The following KCNQ5 variants were observed in gnomAD, a reference collection of about 807,000 sequenced individuals.
KCNQ5 encodes potassium voltage-gated channel subfamily Q member 5, also known as potassium voltage-gated channel subfamily KQT member 5.
Under a neutral mutation model 98.2 loss-of-function variants are expected in KCNQ5, and 30 were observed. The observed-to-expected ratio is 0.31, with a 90% confidence interval of 0.23 to 0.41. The LOEUF (loss-of-function observed/expected upper bound fraction) is 0.41. Ranked by LOEUF, KCNQ5 falls within the 10% of genes least tolerant of loss-of-function variation. The pLI, the probability that KCNQ5 is intolerant of heterozygous loss-of-function variation, is 1.00. For synonymous variants in KCNQ5, 458 were observed against 449.4 expected (o/e 1.02, Z -0.24); for missense variants, 835 against 1,182.5 (o/e 0.71, Z 4.31).
At chr6:72,789,788 A>G (rs1412353640) in intron 1 of KCNQ5, among the ~76,000 whole-genome samples, 1 of 152,218 alleles carries the variant, frequency 6.6e-6, no homozygotes, top group Non-Finnish European at 1.5e-5. Context: ...AACATAGGAC[A>G]CTTAGTCCCA....
At position 72,981,431 on chromosome 6, in the gene KCNQ5, T is replaced by C. The variant is rs540606932; in HGVS notation, c.399-22477T>C. On this transcript the variant is annotated intron_variant, in intron 1 of 13. Transcript: ENST00000370398. ...AATTTATCTATTTCTTCTAGATTTT[T>C]TAGTTTATTTGCAGAGAGGTGTTTA... Among the ~76,000 whole-genome samples, 15 of 152,274 alleles carry C rather than the reference T, an allele frequency of 9.9e-5. No individual in the cohort carries two copies. In the South Asian group the frequency reaches 2.3e-3, roughly 23 times the overall value.
rs563993765 is a variant in KCNQ5 at position 72,722,815 on chromosome 6, TAGTATAGTGAAAGG to T, written c.398+100234_398+100247del. Reference sequence around the variant, plus strand: ...GACAATAATAATAATAATAGCAAAGTAGTATAGTGAAAGGAGTATTAGGGTTTGGTTGACTTTTT... The same window carrying T: ...GACAATAATAATAATAATAGCAAAGTAGTATTAGGGTTTGGTTGACTTTTT... On this transcript the variant is annotated intron_variant, in intron 1 of 13. Coordinates refer to ENST00000370398, the MANE Select transcript of KCNQ5 (RefSeq NM_019842.4). 3.8e-4 allele frequency among the ~76,000 whole-genome samples: 58 copies of T among 151,484 alleles called. 1 individual carries two copies. In the East Asian group the frequency reaches 0.011, roughly 29 times the overall value.
At chr6:72,723,950 T>C (rs146899351) in intron 1 of KCNQ5, among the ~76,000 whole-genome samples, 18 of 152,324 alleles carry the variant, frequency 1.2e-4, no homozygotes, top group African/African-American at 3.8e-4. Context: ...GTCTGTTACA[T>C]CTTCTGCACT....
At chr6:72,938,095 GAA>G (rs1766030186) in intron 1 of KCNQ5, among the ~76,000 whole-genome samples, 1 of 152,166 alleles carries the variant, frequency 6.6e-6, no homozygotes, top group Non-Finnish European at 1.5e-5. Context: ...GCATACAAAT[GAA>G]AAGTTGGATT....
intron 1 of KCNQ5, among the ~76,000 whole-genome samples, chr6:72,768,874 C>A (rs776967734): frequency 6.6e-6 from 1 of 152,000 alleles, no homozygotes; most frequent in East Asian, 1.9e-4. Context: ...CTGGGATCAT[C>A]CAACATGGTT....
At chr6:72,900,397 A>G (rs1329597521) in intron 1 of KCNQ5, among the ~76,000 whole-genome samples, 3 of 147,104 alleles carry the variant, frequency 2.0e-5, no homozygotes, top group Admixed American at 1.4e-4. Flanking sequence ...TGTGGTATAT[A>G]TATGATGAAA....
chr6:73,123,210 T>C (rs1267397103), intron 8 of KCNQ5, among the ~76,000 whole-genome samples: 1 of 151,480 alleles, frequency 6.6e-6, no homozygotes, highest in African/African-American at 2.4e-5. Flanking sequence ...TAAATAAATA[T>C]AGGATATGTT....
At chr6:72,976,599 G>C (rs1015896816) in intron 1 of KCNQ5, among the ~76,000 whole-genome samples, 1 of 152,074 alleles carries the variant, frequency 6.6e-6, no homozygotes, top group African/African-American at 2.4e-5. Context: ...CCCTTTTCTC[G>C]GTTGTGGATG....
Position 72,695,925 on chromosome 6 carries a change from AT to A in KCNQ5, c.398+73345del, listed in dbSNP as rs1028859301. 5.9e-5 allele frequency among the ~76,000 whole-genome samples: 9 copies of A among 152,126 alleles called. 1 individual carries two copies. Among genetic ancestry groups the A allele is most frequent in the African/African-American group, 2.2e-4 (9 of 41,426 alleles). ...AATAAAAAATAAAGAAAAGGTAACA[AT>A]TTTTTTAAAAGTGAGCCAAAAGTAA... On this transcript the variant is annotated intron_variant, in intron 1 of 13. Coordinates refer to ENST00000370398, the MANE Select transcript of KCNQ5 (RefSeq NM_019842.4).
At position 72,920,640 on chromosome 6, in the gene KCNQ5, C is replaced by A. The variant is rs924887269; in HGVS notation, c.399-83268C>A. Among the ~76,000 whole-genome samples the A allele has an allele frequency of 4.4e-4, 67 of 152,186 alleles. 1 individual carries two copies. Among genetic ancestry groups the A allele is most frequent in the African/African-American group, 1.6e-3 (66 of 41,452 alleles). ...GAGTGAAGAAAAAGCCTGACAATCTCTTTTTCTATGTTCTACATTTTTGCT... is the reference window on the plus strand; with the variant it reads ...GAGTGAAGAAAAAGCCTGACAATCTATTTTTCTATGTTCTACATTTTTGCT... On this transcript the variant is annotated intron_variant, in intron 1 of 13. Transcript: ENST00000370398.
intron 8 of KCNQ5, among the ~76,000 whole-genome samples, chr6:73,123,472 G>C (rs998069345): frequency 6.6e-6 from 1 of 152,148 alleles, no homozygotes; most frequent in African/African-American, 2.4e-5. Context: ...CAGCTGTGCA[G>C]GGCAGAGAGA....
chr6:72,659,196 CTT>C (rs1766378214), intron 1 of KCNQ5, among the ~76,000 whole-genome samples: 1 of 152,180 alleles, frequency 6.6e-6, no homozygotes, highest in South Asian at 2.1e-4. Flanking sequence ...TATCTCTCCT[CTT>C]GTTTATCCAA....
intron 1 of KCNQ5, among the ~76,000 whole-genome samples, chr6:72,655,090 TTCTTTC>T (rs1766110559): frequency 6.9e-6 from 1 of 144,884 alleles, no homozygotes; most frequent in Non-Finnish European, 1.6e-5. Flanking sequence ...CTTTCTTTCT[TTCTTTC>T]TGTTTTTCTT....
intron 1 of KCNQ5, among the ~76,000 whole-genome samples, chr6:72,774,572 A>T (rs893250327): frequency 3.9e-5 from 6 of 152,074 alleles, no homozygotes; most frequent in Non-Finnish European, 5.9e-5. Flanking sequence ...TATTCAAAAT[A>T]CATATATTCA....
Position 73,138,280 on chromosome 6 carries a change from G to A in KCNQ5, c.1468+4639G>A, listed in dbSNP as rs1037825398. ...GTGGAAGGTGGCAGATTGCAAGCGAGAAATGGAGCAAGCAGCCAAAATCCA... is the reference window on the plus strand; with the variant it reads ...GTGGAAGGTGGCAGATTGCAAGCGAAAAATGGAGCAAGCAGCCAAAATCCA... On this transcript the variant is annotated intron_variant, in intron 10 of 13. Transcript: ENST00000370398. Among the ~76,000 whole-genome samples the A allele has an allele frequency of 6.6e-5, 10 of 152,306 alleles. No homozygotes were observed. The East Asian group carries it at 1.9e-3, about 29-fold the overall frequency.
At chr6:72,771,974 T>G (rs1385297756) in intron 1 of KCNQ5, among the ~76,000 whole-genome samples, 1 of 152,072 alleles carries the variant, frequency 6.6e-6, no homozygotes, top group African/African-American at 2.4e-5. Context: ...TCTGGGGAGA[T>G]AGTCTATGGT....
intron 7 of KCNQ5, 105 bp from the exon 8 acceptor site, chr6:73,120,378 G>T: frequency 1.3e-6 from 1 of 767,606 alleles, no homozygotes; most frequent in South Asian, 2.3e-5. Flanking sequence ...AGTATAAGAG[G>T]CAAAAGATTC....
intron 3 of KCNQ5, among the ~76,000 whole-genome samples, chr6:73,060,895 C>T (rs767209082): frequency 6.6e-6 from 1 of 152,146 alleles, no homozygotes; most frequent in South Asian, 2.1e-4. Context: ...GAAATAGGCA[C>T]TCACATGCCA....
chr6:72,887,093 A>G lies in KCNQ5; in HGVS notation c.399-116815A>G, dbSNP rs774097421. Reference sequence around the variant, plus strand: ...GCAAATAAATTTTAAGAGGATTATCAGAATAAAAATGTTCTAAGAAAGAAG... The same window carrying G: ...GCAAATAAATTTTAAGAGGATTATCGGAATAAAAATGTTCTAAGAAAGAAG... On this transcript the variant is annotated intron_variant, in intron 1 of 13. Coordinates refer to ENST00000370398, the MANE Select transcript of KCNQ5 (RefSeq NM_019842.4). 2.6e-5 allele frequency among the ~76,000 whole-genome samples: 4 copies of G among 152,218 alleles called. No individual in the cohort carries two copies. The South Asian group carries it at 6.2e-4, about 24-fold the overall frequency.
Sources: allele counts gnomAD v4.1 joint callset (sites outside exome capture counted in the v4.1 genomes callset), GRCh38; gene constraint gnomAD v4.1.1; transcripts MANE v1.5; gene names NCBI Gene and HGNC (gene_info 2026-07-23, HGNC 2026-07-21).